The following ADK variants were observed in gnomAD, a reference collection of about 807,000 sequenced individuals.
ADK encodes the protein adenosine kinase, also known as N6,N6-dimethyladenosine kinase.
Under a neutral mutation model 44.7 loss-of-function variants are expected in ADK, and 24 were observed. That is an observed-to-expected ratio of 0.54 (90% CI 0.39 to 0.76). ADK has a LOEUF of 0.76. Among genes scored for constraint, ADK ranks in the 30% least tolerant of loss-of-function variants. The pLI, the probability that ADK is intolerant of heterozygous loss-of-function variation, is 0.00. For synonymous variants in ADK, 128 were observed against 142.6 expected (o/e 0.90, Z 0.73); for missense variants, 321 against 425.1 (o/e 0.76, Z 2.15).
At chr10:74,359,044 C>G (rs1001918886) in intron 4 of ADK, among the ~76,000 whole-genome samples, 2 of 152,004 alleles carry the variant, frequency 1.3e-5, no homozygotes, top group Admixed American at 1.3e-4. Context: ...AAGCAATCCT[C>G]CTGTCTCTGC....
At chr10:74,240,667 C>A (rs979371059) in intron 3 of ADK, among the ~76,000 whole-genome samples, 4 of 152,056 alleles carry the variant, frequency 2.6e-5, no homozygotes, top group Non-Finnish European at 5.9e-5. Flanking sequence ...TGACTGAGAA[C>A]CTAGTGTGTG....
intron 2 of ADK, among the ~76,000 whole-genome samples, chr10:74,206,621 T>C (rs1843606921): frequency 6.6e-6 from 1 of 152,236 alleles, no homozygotes. Flanking sequence ...TGATTAGCTT[T>C]CACACATATA....
At chr10:74,579,786 A>G (rs973234599) in intron 7 of ADK, among the ~76,000 whole-genome samples, 7 of 152,336 alleles carry the variant, frequency 4.6e-5, no homozygotes, top group Non-Finnish European at 7.4e-5. Context: ...ACTGAACCAC[A>G]TAAGTATGCT....
At chr10:74,261,614 A>G (rs1000861366) in intron 3 of ADK, among the ~76,000 whole-genome samples, 1 of 152,180 alleles carries the variant, frequency 6.6e-6, no homozygotes, top group Non-Finnish European at 1.5e-5. Context: ...ACCTTTACAT[A>G]GGTTGGTATT....
chr10:74,432,588 T>G (rs1387125609), intron 6 of ADK, among the ~76,000 whole-genome samples: 1 of 152,326 alleles, frequency 6.6e-6, no homozygotes, highest in South Asian at 2.1e-4. Context: ...AGTTCTTTCT[T>G]TCTTCATCAG....
chr10:74,657,090 C>A (rs1341184632), intron 9 of ADK, among the ~76,000 whole-genome samples: 2 of 151,018 alleles, frequency 1.3e-5, no homozygotes, highest in East Asian at 2.0e-4. Flanking sequence ...TTTGTAGAAA[C>A]AGGGCCATGC....
At chr10:74,667,848 T>C (rs1589352635) in intron 9 of ADK, among the ~76,000 whole-genome samples, 1 of 152,244 alleles carries the variant, frequency 6.6e-6, no homozygotes, top group Middle Eastern at 3.4e-3. Context: ...TCATGATTCT[T>C]AAGAATAAAA....
chr10:74,631,893 A>G (rs1262706526), intron 9 of ADK, among the ~76,000 whole-genome samples: 1 of 151,588 alleles, frequency 6.6e-6, no homozygotes, highest in Admixed American at 6.6e-5. Flanking sequence ...GTTCCCACCT[A>G]CCTCTTGTAG....
At chr10:74,605,790 T>C (rs1435192191) in intron 9 of ADK, among the ~76,000 whole-genome samples, 1 of 152,204 alleles carries the variant, frequency 6.6e-6, no homozygotes, top group Admixed American at 6.5e-5. Context: ...TCTTTTTCTA[T>C]TGTTTGGAAT....
At chr10:74,322,125 C>T (rs776157386) in intron 4 of ADK, among the ~76,000 whole-genome samples, 2 of 152,050 alleles carry the variant, frequency 1.3e-5, no homozygotes, top group African/African-American at 4.8e-5. Context: ...CTCTTGTGAC[C>T]TATTTTACCT....
chr10:74,160,340 A>G (rs763255633), intron 1 of ADK, among the ~76,000 whole-genome samples: 2 of 152,212 alleles, frequency 1.3e-5, no homozygotes, highest in African/African-American at 2.4e-5. Flanking sequence ...TAATTTGTAT[A>G]TAATTAAAAT....
chr10:74,648,086 A>T (rs1374139633), intron 9 of ADK, among the ~76,000 whole-genome samples: 1 of 152,062 alleles, frequency 6.6e-6, no homozygotes, highest in East Asian at 1.9e-4. Flanking sequence ...AAGTATATAT[A>T]TGTATATATA....
chr10:74,598,326 T>C (rs1851994483), intron 8 of ADK, among the ~76,000 whole-genome samples: 1 of 132,414 alleles, frequency 7.6e-6, no homozygotes, highest in Non-Finnish European at 1.8e-5. Flanking sequence ...TTAATTGCCA[T>C]TTTATGAGGT....
intron 10 of ADK, among the ~76,000 whole-genome samples, chr10:74,688,988 C>A (rs1855888178): frequency 6.6e-6 from 1 of 151,638 alleles, no homozygotes; most frequent in Non-Finnish European, 1.5e-5. Flanking sequence ...CATGGTGGCT[C>A]ACGCCTGTAA....
chr10:74,538,797 C>A (rs970245091), intron 7 of ADK, among the ~76,000 whole-genome samples: 1 of 152,026 alleles, frequency 6.6e-6, no homozygotes, highest in Non-Finnish European at 1.5e-5. Context: ...ACTTTTAAAC[C>A]CTTTTTAATG....
chr10:74,200,554 A>T (rs1359757175), intron 1 of ADK, among the ~76,000 whole-genome samples: 2 of 151,030 alleles, frequency 1.3e-5, no homozygotes, highest in African/African-American at 4.9e-5. Flanking sequence ...TTTGATTTGC[A>T]TCTTTCTCTG....
intron 7 of ADK, among the ~76,000 whole-genome samples, chr10:74,551,104 T>C (rs937194345): frequency 1.3e-5 from 2 of 152,112 alleles, no homozygotes; most frequent in Non-Finnish European, 2.9e-5. Flanking sequence ...GATGTACTAA[T>C]AGACAAAGGA....
chr10:74,208,349 C>T (rs1365720941), intron 2 of ADK, among the ~76,000 whole-genome samples: 1 of 152,224 alleles, frequency 6.6e-6, no homozygotes, highest in African/African-American at 2.4e-5. Context: ...GCTGCATCTC[C>T]CCAATTGTAG....
chr10:74,380,951 G>A (rs925515382), intron 4 of ADK, among the ~76,000 whole-genome samples: 12 of 152,030 alleles, frequency 7.9e-5, no homozygotes, highest in South Asian at 2.1e-4. Context: ...AGGAAGAAAG[G>A]GAAAAAGAGA....
Sources: allele counts gnomAD v4.1 joint callset (sites outside exome capture counted in the v4.1 genomes callset), GRCh38; gene constraint gnomAD v4.1.1; transcripts MANE v1.5; gene names NCBI Gene and HGNC (gene_info 2026-07-23, HGNC 2026-07-21).